Variants in CLMP observed in about 807,000 individuals in gnomAD.
The protein encoded by CLMP is CXADR like cell adhesion molecule.
A neutral mutation model predicts 45.2 loss-of-function variants in CLMP; 27 were observed. The ratio of observed to expected loss-of-function variants is 0.60; its 90% CI spans 0.44 to 0.82. The LOEUF (loss-of-function observed/expected upper bound fraction) is 0.82, where lower values mean the gene tolerates loss of function less well. Among genes scored for constraint, CLMP ranks in the 40% least tolerant of loss-of-function variants. CLMP has a pLI of 0.00. For missense variants in CLMP, 403 were observed against 448.4 expected (o/e 0.90, Z 0.91); for synonymous variants, 167 against 171.4 (o/e 0.97, Z 0.20).
intron 1 of CLMP, among the ~76,000 whole-genome samples, chr11:123,140,353 T>G (rs1861137082): frequency 6.6e-6 from 1 of 152,154 alleles, no homozygotes; most frequent in South Asian, 2.1e-4. Context: ...TCTGAAAGGT[T>G]ATTAGATCTT....
chr11:123,173,108 C>G (rs1324177386), intron 1 of CLMP, among the ~76,000 whole-genome samples: 2 of 152,220 alleles, frequency 1.3e-5, no homozygotes, highest in Non-Finnish European at 2.9e-5. Context: ...CTAGACTTCT[C>G]TAGAACAATT....
intron 2 of CLMP, among the ~76,000 whole-genome samples, chr11:123,086,434 A>C (rs1865865980): frequency 6.6e-6 from 1 of 152,218 alleles, no homozygotes; most frequent in African/African-American, 2.4e-5. Flanking sequence ...GCATATGGGC[A>C]TCTCCCAGGC....
intron 2 of CLMP, among the ~76,000 whole-genome samples, chr11:123,090,045 C>T (rs929993231): frequency 3.3e-5 from 5 of 150,946 alleles, no homozygotes; most frequent in South Asian, 2.1e-4. Context: ...TCCAAGATCA[C>T]GCCATTGCAC....
chr11:123,137,983 T>C (rs112241810), intron 1 of CLMP, among the ~76,000 whole-genome samples: 175 of 151,830 alleles, frequency 1.2e-3, no homozygotes, highest in African/African-American at 3.9e-3. Flanking sequence ...TTTGACGAAA[T>C]AGCATTTCTC....
intron 1 of CLMP, among the ~76,000 whole-genome samples, chr11:123,141,742 T>A (rs1861161920): frequency 6.6e-6 from 1 of 152,234 alleles, no homozygotes; most frequent in Admixed American, 6.5e-5. Context: ...CTTAACGATA[T>A]AAACTTAATT....
chr11:123,138,373 C>T (rs943787903), intron 1 of CLMP, among the ~76,000 whole-genome samples: 11 of 152,028 alleles, frequency 7.2e-5, no homozygotes, highest in Non-Finnish European at 8.8e-5. Flanking sequence ...GGATCTTTCT[C>T]TGGTGCTTAT....
intron 1 of CLMP, among the ~76,000 whole-genome samples, chr11:123,103,399 A>G (rs899655408): frequency 3.3e-5 from 5 of 152,210 alleles, no homozygotes; most frequent in African/African-American, 1.2e-4. Flanking sequence ...AAAGTTGCCA[A>G]TTTAAGCCAC....
intron 1 of CLMP, among the ~76,000 whole-genome samples, chr11:123,135,640 A>G: frequency 6.6e-6 from 1 of 152,328 alleles, no homozygotes; most frequent in Middle Eastern, 3.4e-3. Context: ...TTTTCTCTGC[A>G]TATCTAAATC....
chr11:123,101,724 A>G (rs138651543), intron 1 of CLMP, among the ~76,000 whole-genome samples: 15 of 152,324 alleles, frequency 9.8e-5, no homozygotes, highest in Non-Finnish European at 2.1e-4. Flanking sequence ...GGCCAAGCTA[A>G]CTTTGGAAGA....
intron 1 of CLMP, among the ~76,000 whole-genome samples, chr11:123,137,718 C>G (rs1861097991): frequency 6.6e-6 from 1 of 152,116 alleles, no homozygotes; most frequent in Non-Finnish European, 1.5e-5. Flanking sequence ...GCCACCCTGC[C>G]AGGCCCAGCT....
In CLMP at chr11:123,097,763, G is replaced by A. The variant is rs753682749; in HGVS notation, c.186+32C>T. On this transcript the variant is annotated intron_variant, in intron 2 of 6. Transcript: ENST00000448775. The stretch of plus-strand genomic sequence containing the variant: ...AAAGGCAAATGCAGGAGGACAAGAA[G>A]GAGGAGGGACTCCAGCCAGGTGTCT... 4 of 1,504,240 alleles carry A rather than the reference G, an allele frequency of 2.7e-6. No individual in the cohort carries two copies. The African/African-American group carries it at 5.6e-5, about 21-fold the overall frequency. 93.2% of individuals were successfully genotyped at this position (1,504,240 alleles called of 1,614,324 possible).
intron 1 of CLMP, among the ~76,000 whole-genome samples, chr11:123,113,533 C>T (rs185677188): frequency 3.3e-3 from 498 of 152,202 alleles, no homozygotes; most frequent in Non-Finnish European, 5.8e-3. Context: ...AGGCGATGAC[C>T]TTCCAGACTG....
chr11:123,117,114 T>C (rs1357300136), intron 1 of CLMP, among the ~76,000 whole-genome samples: 2 of 152,174 alleles, frequency 1.3e-5, no homozygotes. Flanking sequence ...CCAGGAGTGG[T>C]GGCGGGTGCC....
intron 1 of CLMP, among the ~76,000 whole-genome samples, chr11:123,179,915 C>A (rs969560648): frequency 6.6e-6 from 1 of 152,148 alleles, no homozygotes; most frequent in African/African-American, 2.4e-5. Flanking sequence ...TTCCATGGAC[C>A]AGTAACACTG....
intron 1 of CLMP, among the ~76,000 whole-genome samples, chr11:123,189,782 C>T (rs1861882044): frequency 6.6e-6 from 1 of 152,144 alleles, no homozygotes; most frequent in African/African-American, 2.4e-5. Flanking sequence ...CCGATGATCA[C>T]TTGGGGTCAG....
At chr11:123,082,092 T>C (rs1244484355) in intron 5 of CLMP, among the ~76,000 whole-genome samples, 1 of 152,186 alleles carries the variant, frequency 6.6e-6, no homozygotes, top group Non-Finnish European at 1.5e-5. Context: ...CACACGTGTG[T>C]GTGCATGAGC....
At chr11:123,111,169 G>GTGTGTCTAGTTTTGTGCCAT (rs1490314551) in intron 1 of CLMP, among the ~76,000 whole-genome samples, 1 of 151,936 alleles carries the variant, frequency 6.6e-6, no homozygotes, top group East Asian at 1.9e-4. Context: ...TGTGGTTTTT[G>GTGTGTCTAGTTTTGTGCCAT]TGTGTGTGTG....
At chr11:123,147,589 T>G (rs1371133987) in intron 1 of CLMP, among the ~76,000 whole-genome samples, 2 of 152,178 alleles carry the variant, frequency 1.3e-5, no homozygotes, top group Non-Finnish European at 2.9e-5. Flanking sequence ...CGAGCCTTTC[T>G]TGACTGCCCC....
chr11:123,186,106 TG>T (rs1401467219), intron 1 of CLMP, among the ~76,000 whole-genome samples: 2 of 152,226 alleles, frequency 1.3e-5, no homozygotes, highest in Non-Finnish European at 2.9e-5. Context: ...TCGCGTCTGC[TG>T]TTTTGCTCTA....
Sources: allele counts gnomAD v4.1 joint callset (sites outside exome capture counted in the v4.1 genomes callset), GRCh38; gene constraint gnomAD v4.1.1; transcripts MANE v1.5; gene names NCBI Gene and HGNC (gene_info 2026-07-23, HGNC 2026-07-21).